The following CERT1 variants were observed in gnomAD, a reference collection of about 807,000 sequenced individuals.
CERT1 encodes ceramide transporter 1, also known as ceramide transfer protein.
In CERT1, 31 loss-of-function variants were observed where a neutral mutation model predicts 87.9. The observed-to-expected ratio is 0.35, with a 90% CI of 0.27 to 0.48. The LOEUF is 0.48. Among genes scored for constraint, CERT1 ranks in the 20% least tolerant of loss-of-function variants. The probability of loss-of-function intolerance (pLI) is 0.99; values close to 1 mark genes in which losing one functional copy is unlikely to be tolerated. For missense variants in CERT1, 487 were observed against 758.0 expected (o/e 0.64, Z 4.20); for synonymous variants, 289 against 250.9 (o/e 1.15, Z -1.44).
chr5:75,502,690 C>G (rs1767433420), intron 2 of CERT1, among the ~76,000 whole-genome samples: 1 of 152,036 alleles, frequency 6.6e-6, no homozygotes, highest in Admixed American at 6.6e-5. Context: ...AAGTGCAAGA[C>G]TAAAAAGCAG....
intron 2 of CERT1, among the ~76,000 whole-genome samples, chr5:75,481,932 A>T (rs2112393048): frequency 6.6e-6 from 1 of 152,350 alleles, no homozygotes; most frequent in East Asian, 1.9e-4. Context: ...GGATTAGCAT[A>T]CAAAATAATG....
intron 8 of CERT1, among the ~76,000 whole-genome samples, chr5:75,406,570 T>G (rs1224922447): frequency 1.3e-5 from 2 of 150,464 alleles, no homozygotes; most frequent in African/African-American, 4.9e-5. Context: ...AGATGGAGTC[T>G]CAGTTGGTTG....
chr5:75,455,099 TG>T (rs1764925654), intron 3 of CERT1, among the ~76,000 whole-genome samples: 1 of 152,186 alleles, frequency 6.6e-6, no homozygotes, highest in Admixed American at 6.5e-5. Flanking sequence ...CTGAAAAGTA[TG>T]TTCAGCAAAT....
intron 2 of CERT1, among the ~76,000 whole-genome samples, chr5:75,487,665 A>C (rs73120822): frequency 0.093 from 14,140 of 152,098 alleles, 1,640 homozygotes; most frequent in African/African-American, 0.27. Flanking sequence ...TGGTTGAAAG[A>C]TCTGAATAGA....
chr5:75,406,460 G>C (rs769237507), intron 8 of CERT1, among the ~76,000 whole-genome samples: 3 of 152,094 alleles, frequency 2.0e-5, no homozygotes, highest in Non-Finnish European at 2.9e-5. Flanking sequence ...CATTCAGGTA[G>C]GGCCCTTAGG....
chr5:75,374,580 G>A (rs528922804), downstream of CERT1: 48 of 705,784 alleles, frequency 6.8e-5, no homozygotes, highest in East Asian at 5.6e-4. Flanking sequence ...TAAGAAATTC[G>A]TCATTTGAAA....
chr5:75,380,784 A>G (rs1386091799), intron 16 of CERT1, among the ~76,000 whole-genome samples: 2 of 151,286 alleles, frequency 1.3e-5, no homozygotes, highest in African/African-American at 4.8e-5. Flanking sequence ...TCTCAAAAAA[A>G]AAAAAAAAAA....
chr5:75,507,330 C>G (rs1007273934), intron 1 of CERT1, among the ~76,000 whole-genome samples: 6 of 152,224 alleles, frequency 3.9e-5, no homozygotes, highest in Admixed American at 2.6e-4. Flanking sequence ...AGGCTCGTCT[C>G]AAACTCCTGG....
downstream of CERT1, chr5:75,377,148 G>A (rs1392327825): frequency 6.6e-6 from 1 of 152,148 alleles, no homozygotes; most frequent in Non-Finnish European, 1.5e-5. Flanking sequence ...ACTAAAGCAG[G>A]CTTAAACTCA....
chr5:75,406,036 C>G (rs1444829520), intron 8 of CERT1, among the ~76,000 whole-genome samples: 1 of 152,204 alleles, frequency 6.6e-6, no homozygotes, highest in Non-Finnish European at 1.5e-5. Flanking sequence ...TGCCCAGTCA[C>G]AATTGTTACT....
intron 1 of CERT1, 129 bp downstream of exon 1, chr5:75,510,983 T>C: frequency 7.8e-7 from 1 of 1,279,818 alleles, no homozygotes; most frequent in Non-Finnish European, 1.0e-6. Context: ...CCCTAGTCGC[T>C]GCAGCAACAC....
chr5:75,408,633 T>A (rs528477729), intron 8 of CERT1, among the ~76,000 whole-genome samples: 42 of 151,896 alleles, frequency 2.8e-4, no homozygotes, highest in African/African-American at 9.9e-4. Flanking sequence ...AGGAGGAAGG[T>A]TGGGAGGGAG....
At chr5:75,393,602 T>TTAAAAA (rs1179766169) in intron 11 of CERT1, among the ~76,000 whole-genome samples, 1 of 32,754 alleles carries the variant, frequency 3.1e-5, no homozygotes, top group East Asian at 1.1e-3. Context: ...CTCATCTACT[T>TTAAAAA]AAAAAAAAAA....
At chr5:75,385,806 G>T in intron 13 of CERT1, 96 bp downstream of exon 13, 2 of 951,718 alleles carry the variant, frequency 2.1e-6, no homozygotes, top group South Asian at 8.2e-5. Context: ...TTTCTACGTT[G>T]ACTTTGTAAA....
intron 7 of CERT1, among the ~76,000 whole-genome samples, chr5:75,414,108 C>T (rs993548942): frequency 6.6e-6 from 1 of 152,108 alleles, no homozygotes; most frequent in Non-Finnish European, 1.5e-5. Context: ...GAATGAATCT[C>T]ACAGTCAAAT....
intron 2 of CERT1, among the ~76,000 whole-genome samples, chr5:75,481,171 T>C (rs1391004510): frequency 6.6e-6 from 1 of 152,200 alleles, no homozygotes; most frequent in African/African-American, 2.4e-5. Context: ...CCAGTCGTAT[T>C]GGCCTTCTTT....
At chr5:75,396,491 C>T (rs371721003) in intron 11 of CERT1, among the ~76,000 whole-genome samples, 1 of 152,008 alleles carries the variant, frequency 6.6e-6, no homozygotes, top group Non-Finnish European at 1.5e-5. Context: ...CTTTGGGAGG[C>T]CGAGGCGGGC....
intron 3 of CERT1, among the ~76,000 whole-genome samples, chr5:75,446,922 GA>G (rs1422387806): frequency 1.3e-5 from 2 of 152,206 alleles, no homozygotes; most frequent in Admixed American, 1.3e-4. Flanking sequence ...ACTACAGCCA[GA>G]GGGGGAGGGA....
chr5:75,417,080 A>G (rs1330454734), intron 6 of CERT1, 47 bp from the exon 7 acceptor site: 3 of 1,349,960 alleles, frequency 2.2e-6, no homozygotes, highest in Middle Eastern at 1.8e-4. Flanking sequence ...TGAGGAAATA[A>G]TTCATCACAA....
Sources: allele counts gnomAD v4.1 joint callset (sites outside exome capture counted in the v4.1 genomes callset), GRCh38; gene constraint gnomAD v4.1.1; transcripts MANE v1.5; gene names NCBI Gene and HGNC (gene_info 2026-07-23, HGNC 2026-07-21).